TRIM67: variants seen among roughly 807,000 people sequenced by gnomAD.
TRIM67 encodes tripartite motif containing 67.
Under a neutral mutation model 71.0 loss-of-function variants are expected in TRIM67, and 39 were observed. The ratio of observed to expected loss-of-function variants is 0.55; its 90% CI spans 0.43 to 0.72. TRIM67 has a LOEUF of 0.72. TRIM67 is among the 30% of genes least tolerant of loss of function. The pLI is 0.00. For synonymous variants in TRIM67, 481 were observed against 473.9 expected (o/e 1.01, Z -0.19); for missense variants, 973 against 1,079.2 (o/e 0.90, Z 1.38).
At position 231,163,807 on chromosome 1, in the gene TRIM67, G is replaced by A. The variant is rs567445639; in HGVS notation, c.838G>A (p.Gly280Ser). The part of the protein sequence containing the change: ...TAQGAPSGGG[G>S]CKSPGGAGAG... ...CCAGGGCGCCCCCAGCGGAGGCGGCGGCTGCAAGAGCCCGGGAGGCGCGGG... is the reference window on the plus strand; with the variant it reads ...CCAGGGCGCCCCCAGCGGAGGCGGCAGCTGCAAGAGCCCGGGAGGCGCGGG... Residue 280 changes from glycine to serine, a missense_variant, in exon 1 of 10, where the codon GGC becomes AGC. By Grantham distance (56) the Gly-to-Ser change is moderately conservative. Transcript: ENST00000366653. The A allele has an allele frequency of 6.7e-7, 1 of 1,496,000 alleles. No homozygotes were observed. The highest frequency in any genetic ancestry group is 8.9e-7 in the Non-Finnish European group (1 of 1,118,802). The allele number at this position is 1,496,000 out of a possible 1,614,324, so 92.7% of individuals were successfully genotyped here.
In TRIM67 at chr1:231,216,037, T is replaced by A. The variant is rs772291112; in HGVS notation, c.*597T>A. ...GGGACATTAATCATTCATGCTTGAC[T>A]TTTGCCTCTCTCACTGAAGTGTTAG... is the stretch of plus-strand genomic sequence containing the variant. On this transcript the variant is annotated 3_prime_UTR_variant, in exon 10 of 10. Coordinates refer to ENST00000366653, the MANE Select transcript of TRIM67 (RefSeq NM_001004342.5). 2 of 985,526 alleles carry A rather than the reference T, an allele frequency of 2.0e-6. No homozygotes were observed. Among genetic ancestry groups the A allele is most frequent in the Non-Finnish European group, 2.4e-6 (2 of 830,006 alleles). The allele number at this position is 985,526 out of a possible 1,614,324, so 61.0% of individuals were successfully genotyped here.
chr1:231,217,252 A>G lies in TRIM67; in HGVS notation c.*1812A>G. On this transcript the variant is annotated 3_prime_UTR_variant, in exon 10 of 10. Coordinates refer to ENST00000366653, the MANE Select transcript of TRIM67 (RefSeq NM_001004342.5). ...CAGGAGCTGCTCGGTGCTGTGTTGC[A>G]GTCTCTGCTGCGGAGCCTGGGAGCT... 1.0e-6 allele frequency: 1 copy of G among 986,014 alleles called. No homozygotes were observed. The highest frequency in any genetic ancestry group is 1.2e-6 in the Non-Finnish European group (1 of 830,100). 61.1% of individuals were successfully genotyped at this position (986,014 alleles called of 1,614,324 possible).
In TRIM67 at chr1:231,217,587, C is replaced by G; in HGVS notation, c.*2147C>G. ...GCTTTGGGAAGTGTCTAGCTCTCTT[C>G]TGAAAAAAAAACAGGCCTACACCCT... On this transcript the variant is annotated 3_prime_UTR_variant, in exon 10 of 10. Transcript: ENST00000366653. 9.5e-7 allele frequency: 1 copy of G among 1,057,646 alleles called. No individual in the cohort carries two copies. Among genetic ancestry groups the G allele is most frequent in the Non-Finnish European group, 1.1e-6 (1 of 870,776 alleles). The allele number at this position is 1,057,646 out of a possible 1,614,324, so 65.5% of individuals were successfully genotyped here.
At chr1:231,182,441 G>C (rs12024993) in intron 1 of TRIM67, among the ~76,000 whole-genome samples, 27,166 of 152,002 alleles carry the variant, frequency 0.18, 3,829 homozygotes, top group African/African-American at 0.37. Flanking sequence ...GATTACAGTA[G>C]AACAGAAAGA....
Position 231,218,029 on chromosome 1 carries a change from TC to T in TRIM67, c.*2591del. On this transcript the variant is annotated 3_prime_UTR_variant, in exon 10 of 10. Transcript: ENST00000366653. ...CGATGCCAGGGACAGCATCCAGCTC[TC>T]CTTCACAGACACCTCTCCTGTCTTC... 8.5e-7 allele frequency: 1 copy of T among 1,181,176 alleles called. No homozygotes were observed. Among genetic ancestry groups the T allele is most frequent in the Non-Finnish European group, 1.1e-6 (1 of 936,566 alleles). The allele number at this position is 1,181,176 out of a possible 1,614,324, so 73.2% of individuals were successfully genotyped here. A position where few individuals can be genotyped will look rare whatever the true frequency, so the allele number is the denominator to read the frequency against.
chr1:231,220,624 C>A lies in TRIM67; in HGVS notation c.*5184C>A, dbSNP rs1684118983. On this transcript the variant is annotated 3_prime_UTR_variant, in exon 10 of 10. Transcript: ENST00000366653. ...AAGGCTGGTTGGGCTAGTGGGTCAT[C>A]ATGTCACTTTCAGATGACTGATAAC... is the stretch of plus-strand genomic sequence containing the variant. 1 of 152,322 alleles carries A rather than the reference C, an allele frequency of 6.6e-6. No individual in the cohort carries two copies. Among genetic ancestry groups the A allele is most frequent in the Admixed American group, 6.5e-5 (1 of 15,284 alleles). The allele number at this position is 152,322 out of a possible 1,614,324, so 9.4% of individuals were successfully genotyped here.
At chr1:231,206,840 A>G in intron 7 of TRIM67, 50 bp downstream of exon 7, 1 of 1,514,844 alleles carries the variant, frequency 6.6e-7, no homozygotes, top group African/African-American at 1.4e-5. Flanking sequence ...CATTTTATCC[A>G]GTGACAACCA....
intron 1 of TRIM67, among the ~76,000 whole-genome samples, chr1:231,177,479 A>G (rs904857263): frequency 6.6e-6 from 1 of 152,244 alleles, no homozygotes; most frequent in African/African-American, 2.4e-5. Flanking sequence ...CTGGGGCTTC[A>G]TGCATCAGAC....
Position 231,219,146 on chromosome 1 carries a change from G to C in TRIM67, c.*3706G>C. ...GGGGAGTCAACATGTGAATGCTAAAGAACACTGCTGCACAGCCCGTGGGGT... is the reference window on the plus strand; with the variant it reads ...GGGGAGTCAACATGTGAATGCTAAACAACACTGCTGCACAGCCCGTGGGGT... On this transcript the variant is annotated 3_prime_UTR_variant, in exon 10 of 10. Transcript: ENST00000366653. The C allele has an allele frequency of 1.0e-6, 1 of 985,448 alleles. No individual in the cohort carries two copies. The highest frequency in any genetic ancestry group is 1.2e-6 in the Non-Finnish European group (1 of 830,002). 61.0% of individuals were successfully genotyped at this position (985,448 alleles called of 1,614,324 possible). A position where few individuals can be genotyped will look rare whatever the true frequency, so the allele number is the denominator to read the frequency against.
At chr1:231,190,676 A>G (rs2102738762) in intron 1 of TRIM67, among the ~76,000 whole-genome samples, 1 of 151,752 alleles carries the variant, frequency 6.6e-6, no homozygotes, top group South Asian at 2.1e-4. Context: ...CTTACCATCA[A>G]TCCCTCATGC....
intron 1 of TRIM67, among the ~76,000 whole-genome samples, chr1:231,167,665 G>C (rs958566124): frequency 6.6e-6 from 1 of 151,840 alleles, no homozygotes; most frequent in African/African-American, 2.4e-5. Flanking sequence ...ACATTGCCCA[G>C]GCTTGTCTCC....
intron 7 of TRIM67, among the ~76,000 whole-genome samples, chr1:231,207,040 A>G (rs998464848): frequency 6.6e-6 from 1 of 152,112 alleles, no homozygotes; most frequent in Admixed American, 6.5e-5. Flanking sequence ...AAGATGGGGG[A>G]GGGAGGAAGT....
chr1:231,213,826 G>A lies in TRIM67; in HGVS notation c.2135G>A (p.Gly712Asp). Reference sequence around the variant, plus strand: ...GACTCTCTTCCCAGGACGGAAGGTGGCGTGTGCAAGGGGGCCACCGTGGGC... The same window carrying A: ...GACTCTCTTCCCAGGACGGAAGGTGACGTGTGCAAGGGGGCCACCGTGGGC... ...CNSHTNRTEGGVCKGATVGVL... is the reference protein window; with the variant it reads ...CNSHTNRTEGDVCKGATVGVL... Residue 712 changes from glycine to aspartate, a missense_variant, in exon 9 of 10, where the codon GGC becomes GAC. Transcript: ENST00000366653. 3 of 1,598,608 alleles carry A rather than the reference G, an allele frequency of 1.9e-6. No individual in the cohort carries two copies. Among genetic ancestry groups the A allele is most frequent in the Non-Finnish European group, 2.6e-6 (3 of 1,170,740 alleles).
In TRIM67 at chr1:231,163,408, T is replaced by G; in HGVS notation, c.439T>G (p.Cys147Gly). 6.5e-7 allele frequency: 1 copy of G among 1,536,810 alleles called. No individual in the cohort carries two copies. Among genetic ancestry groups the G allele is most frequent in the Non-Finnish European group, 8.7e-7 (1 of 1,144,466 alleles). The change falls in exon 1 of 10, where the codon TGC becomes GGC. Residue 147 changes from cysteine to glycine, a missense_variant. Physicochemically the swap from Cys to Gly is radical, Grantham distance 159. Transcript: ENST00000366653. ...GGCTGCGGCGGCTCGGGGTGCCGCC[T>G]GCTCCTCGCTGTCCTCGTCTTCGAG... ...SSAAAARGAACSSLSSSSSSI... is the reference protein window; with the variant it reads ...SSAAAARGAAGSSLSSSSSSI...
At chr1:231,211,812 G>A (rs567752685) in intron 8 of TRIM67, among the ~76,000 whole-genome samples, 3 of 152,282 alleles carry the variant, frequency 2.0e-5, no homozygotes, top group East Asian at 3.9e-4. Flanking sequence ...GGTGGCTCAA[G>A]CCTGTGGTCT....
chr1:231,201,860 A>G (rs1437528420), intron 5 of TRIM67, among the ~76,000 whole-genome samples: 1 of 152,278 alleles, frequency 6.6e-6, no homozygotes, highest in Admixed American at 6.5e-5. Flanking sequence ...GAACAAGTCT[A>G]CCAACTCACA....
intron 8 of TRIM67, among the ~76,000 whole-genome samples, chr1:231,211,384 G>A (rs1390518497): frequency 6.6e-6 from 1 of 152,056 alleles, no homozygotes; most frequent in African/African-American, 2.4e-5. Flanking sequence ...GGTAGGGTAA[G>A]CGCTATCTGG....
intron 1 of TRIM67, among the ~76,000 whole-genome samples, chr1:231,178,813 C>T (rs895022668): frequency 3.9e-5 from 6 of 152,202 alleles, no homozygotes; most frequent in African/African-American, 1.4e-4. Context: ...TTTCCTTACA[C>T]ACAAAATGCT....
intron 1 of TRIM67, among the ~76,000 whole-genome samples, chr1:231,168,567 A>C (rs1237121136): frequency 6.6e-6 from 1 of 152,248 alleles, no homozygotes; most frequent in Non-Finnish European, 1.5e-5. Context: ...ACAATTAAAA[A>C]TTCACGTGGA....
Sources: allele counts gnomAD v4.1 joint callset (sites outside exome capture counted in the v4.1 genomes callset), GRCh38; gene constraint gnomAD v4.1.1; transcripts MANE v1.5; gene names NCBI Gene and HGNC (gene_info 2026-07-23, HGNC 2026-07-21).